Variants in CNKSR3 observed in about 807,000 individuals in gnomAD.
The protein encoded by CNKSR3 is connector enhancer of kinase suppressor of ras 3.
A neutral mutation model predicts 67.7 loss-of-function variants in CNKSR3; 36 were observed. The observed-to-expected ratio is 0.53, with a 90% CI of 0.41 to 0.70. CNKSR3 has a LOEUF of 0.70. Ranked by LOEUF, CNKSR3 falls within the 30% of genes least tolerant of loss-of-function variation. The pLI, the probability that CNKSR3 is intolerant of heterozygous loss-of-function variation, is 0.00. For synonymous variants in CNKSR3, 281 were observed against 271.4 expected, an observed-to-expected ratio of 1.04 and a Z score of -0.35; for missense variants, 630 against 695.2, an observed-to-expected ratio of 0.91 and a Z score of 1.05.
In CNKSR3 at chr6:154,389,494, T is replaced by C. The variant is rs1409495907; in HGVS notation, c.*16860A>G. The C allele has an allele frequency of 6.6e-6, 1 of 152,234 alleles. No homozygotes were observed. The highest frequency in any genetic ancestry group is 1.5e-5 in the Non-Finnish European group (1 of 68,038). The allele number at this position is 152,234 out of a possible 1,614,324, so 9.4% of individuals were successfully genotyped here. A position where few individuals can be genotyped will look rare whatever the true frequency, so the allele number is the denominator to read the frequency against. On this transcript the variant is annotated 3_prime_UTR_variant, in exon 13 of 13. Coordinates refer to ENST00000607772, the MANE Select transcript of CNKSR3 (RefSeq NM_173515.4). ...AACATACTGTTTTGATTACTGTAGT[T>C]TTGTTATACATTCTGAAATCAAGCA...
At chr6:154,443,601 T>C (rs1193757721) in intron 2 of CNKSR3, among the ~76,000 whole-genome samples, 2 of 151,950 alleles carry the variant, frequency 1.3e-5, no homozygotes, top group African/African-American at 2.4e-5. Context: ...TCCAGCACAG[T>C]GGACAATCAT....
chr6:154,423,809 T>C (rs963304351), intron 7 of CNKSR3, among the ~76,000 whole-genome samples: 1 of 152,206 alleles, frequency 6.6e-6, no homozygotes, highest in Non-Finnish European at 1.5e-5. Context: ...TTAAAGAAAA[T>C]GAATTTAGTT....
At chr6:154,436,487 C>G (rs1368449827) in intron 4 of CNKSR3, among the ~76,000 whole-genome samples, 1 of 152,124 alleles carries the variant, frequency 6.6e-6, no homozygotes, top group East Asian at 1.9e-4. Context: ...ATTCAGTTTT[C>G]TCAAGGACAA....
At chr6:154,415,792 C>T (rs1172216091) in intron 9 of CNKSR3, among the ~76,000 whole-genome samples, 1 of 152,178 alleles carries the variant, frequency 6.6e-6, no homozygotes, top group Non-Finnish European at 1.5e-5. Flanking sequence ...TGAGTTTGAA[C>T]TATGATACTG....
At chr6:154,427,100 A>G (rs62432694) in intron 7 of CNKSR3, among the ~76,000 whole-genome samples, 4,190 of 152,310 alleles carry the variant, frequency 0.028, 81 homozygotes, top group Middle Eastern at 0.099. Flanking sequence ...TCAACAGAGA[A>G]TCCTGAAACA....
At chr6:154,470,235 C>T (rs1320426962) in intron 1 of CNKSR3, among the ~76,000 whole-genome samples, 1 of 129,532 alleles carries the variant, frequency 7.7e-6, no homozygotes, top group Non-Finnish European at 1.6e-5. Context: ...GGGTCTCACT[C>T]CATTGCCCAG....
intron 4 of CNKSR3, among the ~76,000 whole-genome samples, chr6:154,434,472 T>G (rs1303519210): frequency 1.3e-5 from 2 of 152,216 alleles, no homozygotes; most frequent in Non-Finnish European, 2.9e-5. Context: ...CAGGTGAAGA[T>G]TTTTCACGTC....
intron 1 of CNKSR3, among the ~76,000 whole-genome samples, chr6:154,468,592 C>T (rs1025992349): frequency 3.3e-5 from 5 of 151,976 alleles, no homozygotes; most frequent in Non-Finnish European, 5.9e-5. Flanking sequence ...ACATCTGCAC[C>T]GTAGAATTAG....
Position 154,443,856 on chromosome 6 carries a change from C to CTCAA in CNKSR3, c.217-1570_217-1567dup, listed in dbSNP as rs200651728. Reference sequence around the variant, plus strand: ...CCTGAGTGACAGAGAGAGACCCTGTCTCAATCAATCAATAAAATTAATTTC... The same window carrying CTCAA: ...CCTGAGTGACAGAGAGAGACCCTGTCTCAATCAATCAATCAATAAAATTAATTTC... On this transcript the variant is annotated intron_variant, in intron 2 of 12. Transcript: ENST00000607772. 8.1e-3 allele frequency among the ~76,000 whole-genome samples: 1,228 copies of CTCAA among 152,286 alleles called. 16 individuals are homozygous for CTCAA. Among genetic ancestry groups the CTCAA allele is most frequent in the African/African-American group, 0.028 (1,178 of 41,556 alleles).
chr6:154,425,401 A>G (rs1785235621), intron 7 of CNKSR3, among the ~76,000 whole-genome samples: 1 of 152,224 alleles, frequency 6.6e-6, no homozygotes, highest in Non-Finnish European at 1.5e-5. Context: ...TGTTTGGCAG[A>G]ACACTGGTAA....
intron 7 of CNKSR3, among the ~76,000 whole-genome samples, 172 bp from the exon 8 acceptor site, chr6:154,423,155 C>T (rs1389457791): frequency 6.6e-6 from 1 of 152,244 alleles, no homozygotes; most frequent in Non-Finnish European, 1.5e-5. Context: ...GACCTTAACA[C>T]ATGAATCCTG....
At chr6:154,416,530 T>A (rs1180759399) in intron 9 of CNKSR3, among the ~76,000 whole-genome samples, 1 of 152,202 alleles carries the variant, frequency 6.6e-6, no homozygotes, top group Non-Finnish European at 1.5e-5. Flanking sequence ...AAATTGATGC[T>A]CCCTGAAAAC....
intron 1 of CNKSR3, among the ~76,000 whole-genome samples, chr6:154,474,084 T>C (rs1377935331): frequency 6.9e-6 from 1 of 145,304 alleles, no homozygotes; most frequent in East Asian, 2.2e-4. Context: ...TGAATGGCAA[T>C]AGTTATCACA....
chr6:154,445,425 G>A (rs1379797005), intron 2 of CNKSR3, among the ~76,000 whole-genome samples: 1 of 152,116 alleles, frequency 6.6e-6, no homozygotes, highest in African/African-American at 2.4e-5. Flanking sequence ...TGGATAAAGA[G>A]GCCACAAGAC....
chr6:154,436,792 T>C (rs1174802902), intron 4 of CNKSR3, among the ~76,000 whole-genome samples: 1 of 152,178 alleles, frequency 6.6e-6, no homozygotes, highest in Non-Finnish European at 1.5e-5. Context: ...CTTCCCACCT[T>C]GGGGTCCTTC....
intron 1 of CNKSR3, among the ~76,000 whole-genome samples, chr6:154,509,065 A>T (rs1317624936): frequency 6.6e-6 from 1 of 152,194 alleles, no homozygotes; most frequent in Non-Finnish European, 1.5e-5. Flanking sequence ...ACTGAGAAAG[A>T]ACACCATTCC....
At chr6:154,450,502 TG>T (rs535980042) in intron 1 of CNKSR3, among the ~76,000 whole-genome samples, 2 of 152,226 alleles carry the variant, frequency 1.3e-5, no homozygotes, top group Non-Finnish European at 2.9e-5. Flanking sequence ...TCTCATTCCC[TG>T]TAAACTAAAG....
chr6:154,414,347 A>T lies in CNKSR3; in HGVS notation c.1022T>A (p.Ile341Asn), dbSNP rs1181364186. The T allele has an allele frequency of 6.2e-7, 1 of 1,612,250 alleles. No homozygotes were observed. Among genetic ancestry groups the T allele is most frequent in the Non-Finnish European group, 8.5e-7 (1 of 1,179,328 alleles). ...CGGAGGAGGAATATAAAGATCCAGG[A>T]TGGCTGACTTCTCCTTCTTCAGTGA... The part of the protein sequence containing the change: ...DTSLKKEKSA[I>N]LDLYIPPPPA... The change falls in exon 10 of 13, where the codon ATC becomes AAC. Residue 341 changes from isoleucine to asparagine, a missense_variant. Ile to Asn is a moderately radical substitution (Grantham distance 149). Around this residue, in one of 3 missense-constraint regions of CNKSR3, gnomAD observed 308 missense variants for 299.6 expected, o/e 1.03. Transcript: ENST00000607772.
chr6:154,423,825 T>C (rs921735224), intron 7 of CNKSR3, among the ~76,000 whole-genome samples: 41 of 152,240 alleles, frequency 2.7e-4, no homozygotes, highest in Admixed American at 1.6e-3. Flanking sequence ...TAGTTTTCTT[T>C]TCATTTTCAG....
Sources: allele counts gnomAD v4.1 joint callset (sites outside exome capture counted in the v4.1 genomes callset), GRCh38; gene constraint gnomAD v4.1.1; regional missense constraint gnomAD v4.1.1; transcripts MANE v1.5; gene names NCBI Gene and HGNC (gene_info 2026-07-23, HGNC 2026-07-21).